The following DCAKD variants were observed in gnomAD, a reference collection of about 807,000 sequenced individuals.
DCAKD encodes dephospho-CoA kinase domain-containing protein.
DCAKD carries 15 observed loss-of-function variants against 18.7 expected under a neutral mutation model. The observed-to-expected ratio is 0.80, with a 90% confidence interval of 0.54 to 1.24. The LOEUF is 1.24. Among genes scored for constraint, DCAKD ranks in the 50% most tolerant of loss-of-function variants. DCAKD has a pLI of 0.00. For synonymous variants in DCAKD, 130 were observed against 133.0 expected (o/e 0.98, Z 0.16); for missense variants, 301 against 322.0 (o/e 0.93, Z 0.50).
chr17:45,025,140 C>G (rs1420687766), intron 4 of DCAKD, among the ~76,000 whole-genome samples: 2 of 151,702 alleles, frequency 1.3e-5, no homozygotes, highest in East Asian at 1.9e-4. Flanking sequence ...GATGGGTGAC[C>G]TTTACTGAAA....
Position 45,023,807 on chromosome 17 carries a change from G to A in DCAKD, c.*626C>T, listed in dbSNP as rs1359421696. The stretch of plus-strand genomic sequence containing the variant: ...TACACAAACCCTACGTGGGGAGAGG[G>A]GTCTCCCAGAAGAGGCTGGTCCTGC... On this transcript the variant is annotated 3_prime_UTR_variant, in exon 5 of 5. Transcript: ENST00000651974. The A allele has an allele frequency of 6.6e-6, 1 of 152,530 alleles. No individual in the cohort carries two copies. The highest frequency in any genetic ancestry group is 1.9e-4 in the East Asian group (1 of 5,190). The allele number at this position is 152,530 out of a possible 1,614,324, so 9.4% of individuals were successfully genotyped here. A position where few individuals can be genotyped will look rare whatever the true frequency, so the allele number is the denominator to read the frequency against.
Position 45,034,970 on chromosome 17 carries a change from G to C in DCAKD, c.-85C>G. 6.9e-7 allele frequency: 1 copy of C among 1,440,276 alleles called. No homozygotes were observed. The highest frequency in any genetic ancestry group is 1.2e-5 in the South Asian group (1 of 82,312). 89.2% of individuals were successfully genotyped at this position (1,440,276 alleles called of 1,614,324 possible). ...GAGCAGGGCAAGTGTGGCCGATGGG[G>C]GCGGTCCACCAGAGGAGTGCCAGAA... is the stretch of plus-strand genomic sequence containing the variant. On this transcript the variant is annotated 5_prime_UTR_variant, in exon 2 of 5. Coordinates refer to ENST00000651974, the MANE Select transcript of DCAKD (RefSeq NM_001288655.2).
At chr17:45,055,918 G>T (rs1018474116), upstream of DCAKD, among the ~76,000 whole-genome samples, 1 of 152,148 alleles carries the variant, frequency 6.6e-6, no homozygotes, top group Non-Finnish European at 1.5e-5. Context: ...ACTTTGGGAG[G>T]CCAAGGCAGG....
intron 1 of DCAKD, among the ~76,000 whole-genome samples, chr17:45,059,097 G>C (rs1297528918): frequency 6.6e-6 from 1 of 152,004 alleles, no homozygotes; most frequent in East Asian, 1.9e-4. Context: ...AAAATTAGCC[G>C]GGTGAGGTGG....
At chr17:45,025,001 C>T (rs1175181542) in intron 4 of DCAKD, among the ~76,000 whole-genome samples, 3 of 145,862 alleles carry the variant, frequency 2.1e-5, no homozygotes, top group African/African-American at 7.8e-5. Context: ...GGAACTTTGG[C>T]CACAGCTCTT....
At chr17:45,059,012 G>A (rs1418428646) in intron 1 of DCAKD, among the ~76,000 whole-genome samples, 6 of 152,180 alleles carry the variant, frequency 3.9e-5, no homozygotes, top group East Asian at 3.9e-4. Flanking sequence ...AGGCCGAGGC[G>A]GGCAGATCAC....
chr17:45,053,382 C>T (rs140071887), upstream of DCAKD, among the ~76,000 whole-genome samples: 249 of 150,564 alleles, frequency 1.7e-3, 8 homozygotes, highest in East Asian at 0.041. Flanking sequence ...CACAGCTTCC[C>T]GAGTAGCTGG....
intron 3 of DCAKD, among the ~76,000 whole-genome samples, chr17:45,032,360 T>C (rs972445941): frequency 2.6e-5 from 4 of 151,258 alleles, no homozygotes; most frequent in African/African-American, 9.7e-5. Flanking sequence ...GGGGTTGGGG[T>C]CAGCATCATG....
intron 1 of DCAKD, among the ~76,000 whole-genome samples, chr17:45,043,775 G>T (rs1464077525): frequency 6.6e-6 from 1 of 152,002 alleles, no homozygotes; most frequent in African/African-American, 2.4e-5. Context: ...ACAATTCTGG[G>T]TTTTTCTCAT....
chr17:45,051,463 G>C lies in DCAKD; in HGVS notation c.-217C>G, dbSNP rs2053694248. The C allele has an allele frequency of 6.6e-6, 1 of 151,936 alleles. No homozygotes were observed. Among genetic ancestry groups the C allele is most frequent in the Non-Finnish European group, 1.5e-5 (1 of 67,970 alleles). 9.4% of individuals were successfully genotyped at this position (151,936 alleles called of 1,614,324 possible). ...CCGCGAAATTGGGTCGCCCGGGGCG[G>C]TGGCAGCCCCGCGTAGCAGCCGCGG... On this transcript the variant is annotated 5_prime_UTR_variant, in exon 1 of 5. Transcript: ENST00000651974.
upstream of DCAKD, among the ~76,000 whole-genome samples, chr17:45,055,680 C>A (rs2053771885): frequency 6.6e-6 from 1 of 152,162 alleles, no homozygotes; most frequent in Non-Finnish European, 1.5e-5. Context: ...GCCACCATGT[C>A]CCCCCAGGAT....
intron 4 of DCAKD, among the ~76,000 whole-genome samples, chr17:45,029,462 C>T (rs1193562124): frequency 1.3e-5 from 2 of 152,196 alleles, no homozygotes; most frequent in Admixed American, 6.5e-5. Context: ...AGATACCCTG[C>T]GGACTCATCT....
upstream of DCAKD, among the ~76,000 whole-genome samples, chr17:45,054,378 G>A (rs2053758418): frequency 6.6e-6 from 1 of 152,028 alleles, no homozygotes; most frequent in Admixed American, 6.6e-5. Flanking sequence ...TTCCCTAGTA[G>A]CTGGGATTAC....
At chr17:45,061,065 T>TC in exon 1 of DCAKD, 2 of 1,247,092 alleles carry the variant, frequency 1.6e-6, no homozygotes, top group Non-Finnish European at 2.0e-6. Context: ...CAAGGGTCGG[T>TC]CCCACCAACC....
rs1301884821 is a variant in DCAKD at position 45,037,799 on chromosome 17, C to T, written c.-114-2800G>A. On this transcript the variant is annotated intron_variant, in intron 1 of 4. Transcript: ENST00000651974. ...TTTTTTTTTTTGAGACAGAGTCTCACTCTGTTGCCCAGGCTGGAGTGCAGT... is the reference window on the plus strand; with the variant it reads ...TTTTTTTTTTTGAGACAGAGTCTCATTCTGTTGCCCAGGCTGGAGTGCAGT... Among the ~76,000 whole-genome samples, 15 of 138,160 alleles carry T rather than the reference C, an allele frequency of 1.1e-4. No individual in the cohort carries two copies. The Admixed American group carries it at 1.1e-3, about 10-fold the overall frequency. The allele number at this position is 138,160 out of a possible 152,430, so 90.6% of individuals were successfully genotyped here.
At chr17:45,032,374 G>A (rs2053189503) in intron 3 of DCAKD, among the ~76,000 whole-genome samples, 1 of 151,936 alleles carries the variant, frequency 6.6e-6, no homozygotes, top group Middle Eastern at 3.2e-3. Context: ...CATCATGGAT[G>A]TCTGTCGAGT....
intron 3 of DCAKD, among the ~76,000 whole-genome samples, chr17:45,030,422 T>TG (rs1195667029): frequency 6.6e-6 from 1 of 151,888 alleles, no homozygotes; most frequent in East Asian, 1.9e-4. Context: ...CCTTGAAAAG[T>TG]GGGGGGCAGG....
chr17:45,032,875 G>A (rs1264638135), intron 3 of DCAKD, among the ~76,000 whole-genome samples: 2 of 152,050 alleles, frequency 1.3e-5, no homozygotes, highest in Admixed American at 6.5e-5. Context: ...CCTTCAACTC[G>A]GAGGCCCAGG....
At chr17:45,032,295 G>A (rs373574181) in intron 3 of DCAKD, among the ~76,000 whole-genome samples, 6 of 152,254 alleles carry the variant, frequency 3.9e-5, no homozygotes, top group African/African-American at 9.6e-5. Context: ...GAGATGGAGC[G>A]CACACGCTGG....
Sources: allele counts gnomAD v4.1 joint callset (sites outside exome capture counted in the v4.1 genomes callset), GRCh38; gene constraint gnomAD v4.1.1; transcripts MANE v1.5; gene names NCBI Gene and HGNC (gene_info 2026-07-23, HGNC 2026-07-21).